CLDN10: variants seen among roughly 807,000 people sequenced by gnomAD.
CLDN10 encodes claudin-10.
In CLDN10, 15 loss-of-function variants were observed where a neutral mutation model predicts 22.9. The observed-to-expected ratio is 0.65, with a 90% CI of 0.44 to 1.01. CLDN10 has a LOEUF of 1.01. Ranked by LOEUF, CLDN10 falls within the 50% of genes least tolerant of loss-of-function variation. The pLI is 0.00. For missense variants in CLDN10, 247 were observed against 287.8 expected, an observed-to-expected ratio of 0.86 and a Z score of 1.03; for synonymous variants, 114 against 111.4, an observed-to-expected ratio of 1.02 and a Z score of -0.15.
chr13:95,434,426 CCT>C (rs56066236), intron 1 of CLDN10, among the ~76,000 whole-genome samples: 82,115 of 146,982 alleles, frequency 0.56, 24,388 homozygotes, highest in African/African-American at 0.79. Flanking sequence ...TCCCTCTCTT[CCT>C]CTCTCTCTCT....
chr13:95,521,856 T>A (rs2043227254), intron 1 of CLDN10, among the ~76,000 whole-genome samples: 1 of 152,086 alleles, frequency 6.6e-6, no homozygotes, highest in East Asian at 1.9e-4. Context: ...ATAGGACTAT[T>A]TCATTTTTCT....
At chr13:95,467,166 C>T (rs902318913) in intron 1 of CLDN10, among the ~76,000 whole-genome samples, 26 of 151,530 alleles carry the variant, frequency 1.7e-4, no homozygotes, top group South Asian at 4.2e-4. Flanking sequence ...TGTGAGCCAC[C>T]GCGCCCAGCC....
intron 1 of CLDN10, among the ~76,000 whole-genome samples, chr13:95,443,049 C>T (rs1424061031): frequency 2.6e-5 from 4 of 152,168 alleles, no homozygotes; most frequent in Non-Finnish European, 5.9e-5. Context: ...CATAGTTCTC[C>T]AGAAGACTGA....
intron 1 of CLDN10, among the ~76,000 whole-genome samples, chr13:95,544,800 G>A (rs993533780): frequency 1.3e-5 from 2 of 149,864 alleles, no homozygotes; most frequent in Admixed American, 6.6e-5. Context: ...TTTTTGAGAT[G>A]GACTCTTGCT....
intron 1 of CLDN10, among the ~76,000 whole-genome samples, chr13:95,451,659 T>A (rs1410135646): frequency 6.6e-6 from 1 of 152,222 alleles, no homozygotes; most frequent in Non-Finnish European, 1.5e-5. Context: ...GCACTTGCCC[T>A]TTGCCACCAC....
At chr13:95,441,727 T>C (rs2042326251) in intron 1 of CLDN10, among the ~76,000 whole-genome samples, 1 of 152,218 alleles carries the variant, frequency 6.6e-6, no homozygotes, top group Admixed American at 6.5e-5. Context: ...CCAGGTGTCT[T>C]CTATGCACAT....
At position 95,560,293 on chromosome 13, in the gene CLDN10, G is replaced by A. The variant is rs2138658359; in HGVS notation, c.382G>A (p.Gly128Arg). 1 of 1,614,020 alleles carries A rather than the reference G, an allele frequency of 6.2e-7. No individual in the cohort carries two copies. Among genetic ancestry groups the A allele is most frequent in the Non-Finnish European group, 8.5e-7 (1 of 1,179,908 alleles). ...CLAGIVFILS[G>R]LCSMTGCSLY... The stretch of plus-strand genomic sequence containing the variant: ...GGCTGGGATTGTATTCATACTGTCA[G>A]GTAAATAGTAACTTTCTTCCAAACA... Residue 128 changes from glycine to arginine, a missense_variant and splice_region_variant, in exon 2 of 5, where the codon GGG becomes AGG. Physicochemically the swap from Gly to Arg is moderately radical, Grantham distance 125 (BLOSUM62 -2). Coordinates refer to ENST00000299339, the MANE Select transcript of CLDN10 (RefSeq NM_006984.5).
chr13:95,533,941 A>C (rs571162425), intron 1 of CLDN10: 1 of 152,202 alleles, frequency 6.6e-6, no homozygotes, highest in Non-Finnish European at 1.5e-5. Context: ...ATTCCGCCTC[A>C]CTCACCAAGC....
At chr13:95,551,311 G>C (rs193023848), upstream of CLDN10, among the ~76,000 whole-genome samples, 1 of 152,208 alleles carries the variant, frequency 6.6e-6, no homozygotes, top group Non-Finnish European at 1.5e-5. Flanking sequence ...AAACAGAATA[G>C]ATACGTTGCC....
intron 1 of CLDN10, among the ~76,000 whole-genome samples, chr13:95,538,509 A>AATTG (rs1175152894): frequency 1.3e-5 from 2 of 152,128 alleles, no homozygotes; most frequent in African/African-American, 2.4e-5. Flanking sequence ...GAGTGATATC[A>AATTG]ATTGATTCAT....
chr13:95,464,245 CT>C (rs2042563372), intron 1 of CLDN10, among the ~76,000 whole-genome samples: 1 of 152,098 alleles, frequency 6.6e-6, no homozygotes, highest in African/African-American at 2.4e-5. Flanking sequence ...AATGCTATCC[CT>C]CCCGCCTTCC....
In CLDN10 at chr13:95,466,070, G is replaced by T. The variant is rs576762727; in HGVS notation, c.214+32023G>T. 4.2e-4 allele frequency among the ~76,000 whole-genome samples: 63 copies of T among 151,350 alleles called. 1 individual carries two copies. In the Middle Eastern group the frequency reaches 0.01, roughly 25 times the overall value. ...TTTACTATTTTAAAAATATTTTTAT[G>T]TTATATATATTTTACCACTATTTAT... On this transcript the variant is annotated intron_variant, in intron 1 of 4. Coordinates refer to the CLDN10 transcript ENST00000376873.
In CLDN10 at chr13:95,527,291, C is replaced by G. The variant is rs577722202; in HGVS notation, c.215-32841C>G. 1.4e-4 allele frequency among the ~76,000 whole-genome samples: 21 copies of G among 152,246 alleles called. No individual in the cohort carries two copies. The South Asian group carries it at 4.4e-3, about 32-fold the overall frequency. On this transcript the variant is annotated intron_variant, in intron 1 of 4. Coordinates refer to the CLDN10 transcript ENST00000376873. ...TGTTCTTGTTTGCTTCCTCTTTATT[C>G]TTGATGGTTTTCAACAATAATTTTT...
intron 1 of CLDN10, among the ~76,000 whole-genome samples, chr13:95,511,767 CTTT>C (rs71113940): frequency 3.8e-4 from 10 of 26,106 alleles, no homozygotes; most frequent in East Asian, 4.7e-3. Flanking sequence ...ATTCTCTCTC[CTTT>C]TTTTTTTTTT....
chr13:95,527,205 G>A (rs2043290799), intron 1 of CLDN10, among the ~76,000 whole-genome samples: 1 of 152,238 alleles, frequency 6.6e-6, no homozygotes, highest in Middle Eastern at 3.4e-3. Flanking sequence ...AAACCTCTCA[G>A]TTCTGTTAGG....
intron 3 of CLDN10, among the ~76,000 whole-genome samples, chr13:95,567,442 G>A (rs1226895417): frequency 2.0e-5 from 3 of 152,162 alleles, no homozygotes; most frequent in Admixed American, 6.5e-5. Context: ...TGATGTATAG[G>A]AATGCTTGTG....
At chr13:95,443,239 G>T (rs1185146092) in intron 1 of CLDN10, among the ~76,000 whole-genome samples, 1 of 152,158 alleles carries the variant, frequency 6.6e-6, no homozygotes, top group African/African-American at 2.4e-5. Context: ...TGAATCCCTG[G>T]CATTTGCCCT....
At chr13:95,576,930 C>T (rs2043938282) in intron 3 of CLDN10, among the ~76,000 whole-genome samples, 1 of 152,178 alleles carries the variant, frequency 6.6e-6, no homozygotes, top group Non-Finnish European at 1.5e-5. Context: ...AAGGTTAAGG[C>T]AGCGTGCAGA....
rs114212171 is a variant in CLDN10, at chr13:95,574,344, A to G, written c.465-2887A>G. 8.2e-3 allele frequency among the ~76,000 whole-genome samples: 1,249 copies of G among 152,270 alleles called. 17 individuals are homozygous for G. Among genetic ancestry groups the G allele is most frequent in the African/African-American group, 0.028 (1,179 of 41,546 alleles). ...AATTGTTAAAAAAAAAATGGGGTAGATGTATGGTTTCTGAAATCATCTCCA... is the reference window on the plus strand; with the variant it reads ...AATTGTTAAAAAAAAAATGGGGTAGGTGTATGGTTTCTGAAATCATCTCCA... On this transcript the variant is annotated intron_variant, in intron 3 of 4. Transcript: ENST00000299339.
Sources: gnomAD v4.1 joint callset for allele counts (sites outside exome capture counted in the v4.1 genomes callset) on GRCh38, gnomAD v4.1.1 for gene constraint, MANE v1.5 for transcripts, NCBI Gene and HGNC (gene_info 2026-07-23, HGNC 2026-07-21) for gene names.